SGCZ: variants seen among roughly 807,000 people sequenced by gnomAD.
The protein encoded by SGCZ is zeta-sarcoglycan.
A neutral mutation model predicts 41.3 loss-of-function variants in SGCZ; 40 were observed. That is an observed-to-expected ratio of 0.97 (90% CI 0.75 to 1.26). The LOEUF (loss-of-function observed/expected upper bound fraction) is 1.26, where lower values mean the gene tolerates loss of function less well. Among genes scored for constraint, SGCZ ranks in the 50% most tolerant of loss-of-function variants. The pLI, the probability that SGCZ is intolerant of heterozygous loss-of-function variation, is 0.00. For missense variants in SGCZ, 552 were observed against 369.8 expected (o/e 1.49, Z -4.04); for synonymous variants, 206 against 137.5 (o/e 1.50, Z -3.49).
Position 14,190,008 on chromosome 8 carries a change from TTCTTTC to T in SGCZ, c.425-25312_425-25307del, listed in dbSNP as rs1285062818. Among the ~76,000 whole-genome samples, 16 of 70,140 alleles carry T rather than the reference TTCTTTC, an allele frequency of 2.3e-4. 3 individuals carry two copies. In the Admixed American group the frequency reaches 3.4e-3, roughly 15 times the overall value. The allele number at this position is 70,140 out of a possible 152,430, so 46.0% of individuals were successfully genotyped here. A position where few individuals can be genotyped will look rare whatever the true frequency, so the allele number is the denominator to read the frequency against. ...ATGGGAGAATCTACTTTTTCTTTCT[TTCTTTC>T]TTTTTTTTTTTTTTTTGAGACGGAC... On this transcript the variant is annotated intron_variant, in intron 4 of 7. Coordinates refer to ENST00000382080, the MANE Select transcript of SGCZ (RefSeq NM_139167.4).
intron 1 of SGCZ, among the ~76,000 whole-genome samples, chr8:14,769,394 C>A (rs369977465): frequency 1.3e-5 from 2 of 152,124 alleles, no homozygotes; most frequent in East Asian, 3.9e-4. Flanking sequence ...GAGGACAGAA[C>A]TTTTTTTAAA....
At chr8:14,575,237 G>C (rs527541209) in intron 1 of SGCZ, among the ~76,000 whole-genome samples, 2 of 152,064 alleles carry the variant, frequency 1.3e-5, no homozygotes, top group South Asian at 2.1e-4. Flanking sequence ...GCTTATATAG[G>C]GGTAAAGAAG....
chr8:15,162,336 C>T (rs1422000646), intron 1 of SGCZ, among the ~76,000 whole-genome samples: 1 of 152,182 alleles, frequency 6.6e-6, no homozygotes, highest in Non-Finnish European at 1.5e-5. Context: ...ACCTGTCCCA[C>T]CTCTAACCCA....
intron 1 of SGCZ, among the ~76,000 whole-genome samples, chr8:14,649,757 G>A (rs1807337278): frequency 6.6e-6 from 1 of 152,042 alleles, no homozygotes; most frequent in Admixed American, 6.6e-5. Context: ...TGTGAGGCTG[G>A]CTAGTGCTTC....
At chr8:14,502,662 A>G (rs1287399157) in intron 2 of SGCZ, among the ~76,000 whole-genome samples, 1 of 152,240 alleles carries the variant, frequency 6.6e-6, no homozygotes, top group Non-Finnish European at 1.5e-5. Flanking sequence ...GACACTTCTC[A>G]AAAGAAGACA....
intron 2 of SGCZ, among the ~76,000 whole-genome samples, chr8:14,461,114 C>A (rs868181858): frequency 6.6e-6 from 1 of 152,066 alleles, no homozygotes; most frequent in Admixed American, 6.6e-5. Context: ...CTATCCTCAT[C>A]CAATCAGGTT....
intron 1 of SGCZ, among the ~76,000 whole-genome samples, chr8:14,673,862 G>A (rs562048735): frequency 6.6e-6 from 1 of 151,976 alleles, no homozygotes; most frequent in Non-Finnish European, 1.5e-5. Flanking sequence ...TAAACACAAA[G>A]TTTATAAAAA....
rs1490989737 is a variant in SGCZ at position 14,085,689 on chromosome 8, A to G, written c.*4754T>C. Among the ~76,000 whole-genome samples the G allele has an allele frequency of 6.6e-6, 1 of 151,770 alleles. No homozygotes were observed. On this transcript the variant is annotated 3_prime_UTR_variant, in exon 8 of 8. Transcript: ENST00000382080. Reference sequence around the variant, plus strand: ...GCCCATTTTGGGATACGGTCTTTGCATATAGGTTTTATGAATACCAAGGAG... The same window carrying G: ...GCCCATTTTGGGATACGGTCTTTGCGTATAGGTTTTATGAATACCAAGGAG...
At chr8:14,168,214 C>T (rs1293127052) in intron 4 of SGCZ, among the ~76,000 whole-genome samples, 1 of 152,162 alleles carries the variant, frequency 6.6e-6, no homozygotes, top group African/African-American at 2.4e-5. Flanking sequence ...AAATTACCAA[C>T]TAAATTCTAT....
intron 1 of SGCZ, among the ~76,000 whole-genome samples, chr8:14,720,343 C>G (rs1025947128): frequency 6.6e-6 from 1 of 151,950 alleles, no homozygotes; most frequent in Non-Finnish European, 1.5e-5. Context: ...CTATCACTAA[C>G]TGTAAATGAT....
chr8:14,476,240 C>G (rs78765458), intron 2 of SGCZ, among the ~76,000 whole-genome samples: 1 of 152,076 alleles, frequency 6.6e-6, no homozygotes. Flanking sequence ...GAGGTCCCCT[C>G]TCACCAATGT....
At chr8:14,949,295 G>A (rs1800553585) in intron 1 of SGCZ, among the ~76,000 whole-genome samples, 1 of 152,070 alleles carries the variant, frequency 6.6e-6, no homozygotes, top group South Asian at 2.1e-4. Flanking sequence ...AGATTCTCTA[G>A]GGAAAAGTAG....
intron 2 of SGCZ, among the ~76,000 whole-genome samples, chr8:14,324,658 G>C (rs1802032724): frequency 6.6e-6 from 1 of 152,074 alleles, no homozygotes; most frequent in African/African-American, 2.4e-5. Context: ...ATTAATGATT[G>C]TCTGATATTA....
At chr8:14,705,911 A>G (rs1001332716) in intron 1 of SGCZ, among the ~76,000 whole-genome samples, 10 of 152,088 alleles carry the variant, frequency 6.6e-5, no homozygotes, top group Non-Finnish European at 1.3e-4. Flanking sequence ...CCCCACCAGG[A>G]TAGGAGTTGT....
chr8:14,314,220 C>T (rs138913062), intron 3 of SGCZ, among the ~76,000 whole-genome samples: 17 of 152,120 alleles, frequency 1.1e-4, no homozygotes, highest in African/African-American at 4.1e-4. Flanking sequence ...CAAGTTTGCC[C>T]ACACATATTA....
At chr8:14,479,335 G>T (rs964788738) in intron 2 of SGCZ, among the ~76,000 whole-genome samples, 25 of 152,132 alleles carry the variant, frequency 1.6e-4, no homozygotes, top group Non-Finnish European at 2.4e-4. Flanking sequence ...TAGAGGCCCG[G>T]AGACTCAGCG....
intron 1 of SGCZ, among the ~76,000 whole-genome samples, chr8:14,577,589 T>C (rs955379179): frequency 2.0e-5 from 3 of 152,152 alleles, no homozygotes; most frequent in Admixed American, 1.3e-4. Flanking sequence ...TGTTTCACCA[T>C]ATTGGCCAGG....
intron 1 of SGCZ, among the ~76,000 whole-genome samples, chr8:14,708,475 C>T (rs12235067): frequency 0.31 from 46,517 of 151,070 alleles, 7,728 homozygotes; most frequent in African/African-American, 0.42. Flanking sequence ...ACCTACTTTT[C>T]AACCCACAGC....
At chr8:14,828,545 A>G (rs1802418619) in intron 1 of SGCZ, among the ~76,000 whole-genome samples, 1 of 152,212 alleles carries the variant, frequency 6.6e-6, no homozygotes, top group Admixed American at 6.5e-5. Context: ...CACTTCCTCT[A>G]ATTTTAACAG....
Sources: gnomAD v4.1 joint callset for allele counts (sites outside exome capture counted in the v4.1 genomes callset) on GRCh38, gnomAD v4.1.1 for gene constraint, MANE v1.5 for transcripts, NCBI Gene and HGNC (gene_info 2026-07-23, HGNC 2026-07-21) for gene names.